Variants in ALX1 observed in about 807,000 individuals in gnomAD.
ALX1 encodes the protein ALX homeobox 1.
ALX1 carries 19 observed loss-of-function variants against 31.7 expected under a neutral mutation model. The observed-to-expected ratio is 0.60, with a 90% CI of 0.42 to 0.88. The LOEUF (loss-of-function observed/expected upper bound fraction) is 0.88. ALX1 is among the 40% of genes least tolerant of loss of function. The pLI is 0.00. For missense variants in ALX1, 415 were observed against 407.8 expected, an observed-to-expected ratio of 1.02 and a Z score of -0.15; for synonymous variants, 153 against 148.8, an observed-to-expected ratio of 1.03 and a Z score of -0.20.
intron 3 of ALX1, among the ~76,000 whole-genome samples, chr12:85,287,814 C>T (rs1043664488): frequency 2.6e-5 from 4 of 151,270 alleles, no homozygotes; most frequent in African/African-American, 4.8e-5. Context: ...AAGCAACGAG[C>T]TATGCATTAT....
chr12:85,301,334 T>C lies in ALX1; in HGVS notation c.840T>C (p.Phe280=). The change falls in exon 4 of 4, where the codon TTT becomes TTC. Residue 280 remains phenylalanine (F), a synonymous_variant. Coordinates refer to ENST00000316824, the MANE Select transcript of ALX1 (RefSeq NM_006982.3). ...NQFSHVPLNN[F]FTDSLLTGAT... Reference sequence around the variant, plus strand: ...TCAGCCACGTGCCCCTCAACAATTTTTTCACTGACTCTCTTCTTACTGGGG... The same window carrying C: ...TCAGCCACGTGCCCCTCAACAATTTCTTCACTGACTCTCTTCTTACTGGGG... 2 of 1,614,070 alleles carry C rather than the reference T, an allele frequency of 1.2e-6. No homozygotes were observed. Among genetic ancestry groups the C allele is most frequent in the Non-Finnish European group, 1.7e-6 (2 of 1,179,980 alleles).
chr12:85,286,242 C>T (rs999604185), intron 2 of ALX1, among the ~76,000 whole-genome samples: 4 of 151,796 alleles, frequency 2.6e-5, no homozygotes, highest in Non-Finnish European at 4.4e-5. Flanking sequence ...TAATTCTTGT[C>T]ATGCTTATTA....
chr12:85,287,128 G>T, intron 3 of ALX1, 147 bp downstream of exon 3: 1 of 922,814 alleles, frequency 1.1e-6, no homozygotes, highest in Non-Finnish European at 1.6e-6. Context: ...TGTCTGCTAA[G>T]TTTTAATTTT....
intron 3 of ALX1, among the ~76,000 whole-genome samples, chr12:85,300,028 A>G (rs1896943100): frequency 6.6e-6 from 1 of 151,964 alleles, no homozygotes; most frequent in Non-Finnish European, 1.5e-5. Flanking sequence ...TCATCTTCAA[A>G]GGGCTGCATC....
intron 3 of ALX1, among the ~76,000 whole-genome samples, chr12:85,300,542 A>G (rs559782658): frequency 2.0e-5 from 3 of 152,206 alleles, no homozygotes; most frequent in African/African-American, 4.8e-5. Flanking sequence ...CACAGAATAA[A>G]TTTTTAAAAT....
intron 3 of ALX1, among the ~76,000 whole-genome samples, chr12:85,287,748 TTAA>T (rs1896768253): frequency 1.3e-5 from 2 of 151,488 alleles, no homozygotes; most frequent in African/African-American, 2.4e-5. Context: ...TTCCTAATAC[TTAA>T]TAATGATATT....
chr12:85,292,479 T>C (rs115462455), intron 3 of ALX1, among the ~76,000 whole-genome samples: 2,939 of 151,162 alleles, frequency 0.019, 94 homozygotes, highest in African/African-American at 0.068. Context: ...CACAGTGTCT[T>C]GTCTTCCGTT....
At chr12:85,283,477 A>T in intron 1 of ALX1, 95 bp from the exon 2 acceptor site, 1 of 1,315,342 alleles carries the variant, frequency 7.6e-7, no homozygotes. Context: ...TTAATAGGCC[A>T]ATTTCTTGAT....
intron 1 of ALX1, among the ~76,000 whole-genome samples, chr12:85,281,284 T>G (rs1348061854): frequency 6.6e-6 from 1 of 152,246 alleles, no homozygotes; most frequent in East Asian, 1.9e-4. Context: ...AATGCCCAAG[T>G]ATCTCCAAGT....
intron 3 of ALX1, among the ~76,000 whole-genome samples, chr12:85,292,585 T>A (rs1387101099): frequency 6.6e-6 from 1 of 151,178 alleles, no homozygotes; most frequent in African/African-American, 2.4e-5. Flanking sequence ...ATTTTTATAA[T>A]TTAATACATA....
intron 2 of ALX1, among the ~76,000 whole-genome samples, chr12:85,284,402 AT>A (rs2137377748): frequency 6.6e-6 from 1 of 151,674 alleles, no homozygotes; most frequent in South Asian, 2.1e-4. Context: ...TGTTTTCACT[AT>A]GGATAATTAA....
intron 3 of ALX1, among the ~76,000 whole-genome samples, chr12:85,293,241 TA>T (rs548659968): frequency 0.032 from 3,704 of 115,342 alleles, 145 homozygotes; most frequent in African/African-American, 0.19. Context: ...TAAATATGAA[TA>T]AAATATTTAT....
chr12:85,297,509 G>A (rs188615060), intron 3 of ALX1, among the ~76,000 whole-genome samples: 16 of 151,686 alleles, frequency 1.1e-4, no homozygotes, highest in Non-Finnish European at 1.9e-4. Flanking sequence ...ATAAATGGAA[G>A]CCATAGGTAG....
Position 85,287,257 on chromosome 12 carries a change from T to C in ALX1, c.660+276T>C, listed in dbSNP as rs149654079. 4.1e-3 allele frequency among the ~76,000 whole-genome samples: 621 copies of C among 151,908 alleles called. 2 individuals carry two copies. The highest frequency in any genetic ancestry group is 0.014 in the African/African-American group (591 of 41,526). On this transcript the variant is annotated intron_variant, in intron 3 of 3. Transcript: ENST00000316824. The stretch of plus-strand genomic sequence containing the variant: ...CCAATGAAATAGCATCATTTAATGA[T>C]ACAGGTATTTTAATTATCCTACATT...
chr12:85,280,533 A>G, intron 1 of ALX1, 46 bp downstream of exon 1: 2 of 1,587,510 alleles, frequency 1.3e-6, no homozygotes, highest in Non-Finnish European at 1.7e-6. Context: ...CCCTTCCGCA[A>G]TCGAAAATGC....
intron 3 of ALX1, among the ~76,000 whole-genome samples, chr12:85,292,531 G>A (rs1467826442): frequency 1.3e-5 from 2 of 150,996 alleles, no homozygotes; most frequent in African/African-American, 4.8e-5. Flanking sequence ...CTTAGAATTT[G>A]AACACGCCAA....
At chr12:85,287,065 T>TCTTAC in intron 3 of ALX1, 84 bp downstream of exon 3, 1 of 1,478,026 alleles carries the variant, frequency 6.8e-7, no homozygotes, top group Non-Finnish European at 9.3e-7. Flanking sequence ...GGCTTTATTA[T>TCTTAC]ATGTAAGATA....
In ALX1 at chr12:85,301,534, A is replaced by G; in HGVS notation, c.*59A>G. ...AAAGTTAAACATTCTTATTTCTCAT[A>G]TTTAAAGGATACCACAATAAGCTGC... On this transcript the variant is annotated 3_prime_UTR_variant, in exon 4 of 4. Coordinates refer to ENST00000316824, the MANE Select transcript of ALX1 (RefSeq NM_006982.3). 1 of 1,547,728 alleles carries G rather than the reference A, an allele frequency of 6.5e-7. No individual in the cohort carries two copies. Among genetic ancestry groups the G allele is most frequent in the East Asian group, 2.3e-5 (1 of 44,090 alleles).
chr12:85,283,819 T>C lies in ALX1; in HGVS notation c.474T>C (p.Asp158=), dbSNP rs1355178466. The change falls in exon 2 of 4, where the codon GAT becomes GAC. Residue 158 remains aspartate, a synonymous_variant. Coordinates refer to ENST00000316824, the MANE Select transcript of ALX1 (RefSeq NM_006982.3). ...TCTTTCAGAAAACTCATTACCCGGA[T>C]GTGTATGTCAGAGAACAGCTTGCTC... The part of the protein sequence containing the change: ...EKVFQKTHYP[D]VYVREQLALR... 3 of 1,614,004 alleles carry C rather than the reference T, an allele frequency of 1.9e-6. No individual in the cohort carries two copies. The highest frequency in any genetic ancestry group is 2.2e-5 in the East Asian group (1 of 44,868).
Sources: allele counts gnomAD v4.1 joint callset (sites outside exome capture counted in the v4.1 genomes callset), GRCh38; gene constraint gnomAD v4.1.1; transcripts MANE v1.5; gene names NCBI Gene and HGNC (gene_info 2026-07-23, HGNC 2026-07-21).